The following CNTN1 variants were observed in gnomAD, a reference collection of about 807,000 sequenced individuals.
The protein encoded by CNTN1 is contactin 1, also known as contactin-1.
CNTN1 carries 38 observed loss-of-function variants against 126.4 expected under a neutral mutation model. That is an observed-to-expected ratio of 0.30 (90% CI 0.23 to 0.39). The LOEUF (loss-of-function observed/expected upper bound fraction) is 0.39. CNTN1 is among the 10% of genes least tolerant of loss of function. The pLI is 1.00. For synonymous variants in CNTN1, 413 were observed against 422.6 expected (o/e 0.98, Z 0.28); for missense variants, 1,009 against 1,248.4 (o/e 0.81, Z 2.89).
chr12:40,993,960 A>G (rs940670287), intron 17 of CNTN1, among the ~76,000 whole-genome samples: 1 of 152,146 alleles, frequency 6.6e-6, no homozygotes, highest in Non-Finnish European at 1.5e-5. Flanking sequence ...GATCTTAAGT[A>G]TAAATTATAT....
chr12:41,021,675 G>C (rs540601272), intron 20 of CNTN1, among the ~76,000 whole-genome samples: 2 of 150,780 alleles, frequency 1.3e-5, no homozygotes, highest in Middle Eastern at 3.4e-3. Flanking sequence ...TATAATTTGG[G>C]AAGATCTTAA....
intron 19 of CNTN1, among the ~76,000 whole-genome samples, chr12:41,019,093 T>C (rs1373267172): frequency 1.3e-5 from 2 of 151,838 alleles, no homozygotes; most frequent in East Asian, 3.9e-4. Context: ...GAGGTGGAGG[T>C]TGTGGTGAAC....
chr12:40,835,875 A>G (rs1942030697), intron 1 of CNTN1, among the ~76,000 whole-genome samples: 1 of 151,644 alleles, frequency 6.6e-6, no homozygotes, highest in Non-Finnish European at 1.5e-5. Flanking sequence ...CAGATGAGGC[A>G]AATTCTACAC....
At chr12:40,902,691 A>T (rs1362096220) in intron 1 of CNTN1, among the ~76,000 whole-genome samples, 1 of 152,218 alleles carries the variant, frequency 6.6e-6, no homozygotes, top group Non-Finnish European at 1.5e-5. Flanking sequence ...CAGTGCGATG[A>T]AAAGCTAGTT....
At chr12:40,864,533 C>T (rs145502840) in intron 1 of CNTN1, among the ~76,000 whole-genome samples, 54 of 152,236 alleles carry the variant, frequency 3.5e-4, no homozygotes, top group African/African-American at 1.3e-3. Flanking sequence ...AATCTACTTT[C>T]TATCTTTATG....
intron 1 of CNTN1, among the ~76,000 whole-genome samples, chr12:40,828,692 G>C (rs1352509863): frequency 6.6e-6 from 1 of 152,146 alleles, no homozygotes; most frequent in African/African-American, 2.4e-5. Flanking sequence ...TCTAGTAAAA[G>C]ATGTGGGTAG....
intron 23 of CNTN1, among the ~76,000 whole-genome samples, chr12:41,032,956 G>A (rs1187027743): frequency 1.3e-5 from 2 of 152,092 alleles, no homozygotes; most frequent in Non-Finnish European, 2.9e-5. Context: ...ATAGAGAAAA[G>A]CCCACTAACA....
chr12:40,980,771 T>C (rs1947799978), intron 15 of CNTN1, 138 bp from the exon 16 acceptor site: 1 of 788,280 alleles, frequency 1.3e-6, no homozygotes, highest in East Asian at 2.5e-5. Context: ...TAATCTATAT[T>C]TAAAAGAAAT....
In CNTN1 at chr12:41,042,308, C is replaced by T. The variant is rs1949434004; in HGVS notation, c.2980+13089C>T. Among the ~76,000 whole-genome samples the T allele has an allele frequency of 3.9e-5, 6 of 152,094 alleles. No homozygotes were observed. In the South Asian group the frequency reaches 1.2e-3, roughly 32 times the overall value. ...GTTTGTTATAATTTCTGTTCTTTTA[C>T]ATTTGCTGAGGAGTGCTTTACTTCC... On this transcript the variant is annotated intron_variant, in intron 23 of 23. Coordinates refer to ENST00000551295, the MANE Select transcript of CNTN1 (RefSeq NM_001843.4).
At chr12:40,916,252 TC>T (rs1945240395) in intron 3 of CNTN1, among the ~76,000 whole-genome samples, 1 of 152,106 alleles carries the variant, frequency 6.6e-6, no homozygotes, top group African/African-American at 2.4e-5. Flanking sequence ...TCTCTACTTG[TC>T]TTTTTAAGCA....
At chr12:40,699,153 G>A (rs964038250) in intron 1 of CNTN1, among the ~76,000 whole-genome samples, 1 of 152,040 alleles carries the variant, frequency 6.6e-6, no homozygotes, top group Non-Finnish European at 1.5e-5. Context: ...TGCCTCCACC[G>A]TAAGTCCTTG....
At position 40,961,453 on chromosome 12, in the gene CNTN1, A is replaced by G. The variant is rs1375988762; in HGVS notation, c.1804+2219A>G. Among the ~76,000 whole-genome samples the G allele has an allele frequency of 2.0e-5, 3 of 152,120 alleles. No individual in the cohort carries two copies. In the East Asian group the frequency reaches 5.8e-4, roughly 29 times the overall value. ...TATTTTTTAATAATAATGGTGAGCA[A>G]TGTATAAGACATGCCCTGCCTTAAG... On this transcript the variant is annotated intron_variant, in intron 15 of 23. Coordinates refer to ENST00000551295, the MANE Select transcript of CNTN1 (RefSeq NM_001843.4).
intron 1 of CNTN1, among the ~76,000 whole-genome samples, chr12:40,903,451 C>A (rs1237465639): frequency 7.3e-6 from 1 of 137,802 alleles, no homozygotes; most frequent in Non-Finnish European, 1.5e-5. Context: ...CCATGGAGGT[C>A]AGGGGGCTAG....
At chr12:40,819,424 AG>A (rs1407496591) in intron 1 of CNTN1, among the ~76,000 whole-genome samples, 1 of 152,102 alleles carries the variant, frequency 6.6e-6, no homozygotes, top group Non-Finnish European at 1.5e-5. Flanking sequence ...CCACTGAGGA[AG>A]GATGCCTCAG....
intron 1 of CNTN1, among the ~76,000 whole-genome samples, chr12:40,903,129 C>T (rs1944667410): frequency 6.6e-6 from 1 of 152,140 alleles, no homozygotes; most frequent in Non-Finnish European, 1.5e-5. Context: ...GTCAGGGATC[C>T]ATCAGTCATG....
At chr12:40,806,806 G>C (rs1940877812) in intron 1 of CNTN1, among the ~76,000 whole-genome samples, 1 of 152,100 alleles carries the variant, frequency 6.6e-6, no homozygotes, top group Admixed American at 6.6e-5. Context: ...GAGACAGTTT[G>C]TGTGCCCTGC....
intron 17 of CNTN1, among the ~76,000 whole-genome samples, chr12:40,996,043 GT>G (rs1364167535): frequency 3.9e-5 from 6 of 152,032 alleles, no homozygotes; most frequent in African/African-American, 1.4e-4. Flanking sequence ...ACAGTGGGCA[GT>G]ATTGTGGCTC....
At chr12:40,984,919 A>AT (rs1947916007) in intron 16 of CNTN1, among the ~76,000 whole-genome samples, 1 of 152,144 alleles carries the variant, frequency 6.6e-6, no homozygotes, top group East Asian at 1.9e-4. Flanking sequence ...ATAAGTTAAG[A>AT]GAAGATAGAA....
At chr12:40,862,208 TACACACACAC>T (rs145686900) in intron 1 of CNTN1, among the ~76,000 whole-genome samples, 1 of 147,360 alleles carries the variant, frequency 6.8e-6, no homozygotes, top group Middle Eastern at 3.4e-3. Context: ...TGTCTCTTAA[TACACACACAC>T]ACACACACAC....
Sources: allele counts gnomAD v4.1 joint callset (sites outside exome capture counted in the v4.1 genomes callset), GRCh38; gene constraint gnomAD v4.1.1; transcripts MANE v1.5; gene names NCBI Gene and HGNC (gene_info 2026-07-23, HGNC 2026-07-21).